The following CST9L variants were observed in gnomAD, a reference collection of about 807,000 sequenced individuals.
CST9L encodes the protein cystatin-9-like.
In CST9L, 17 loss-of-function variants were observed where a neutral mutation model predicts 13.2. The ratio of observed to expected loss-of-function variants is 1.29; its 90% CI spans 0.88 to 1.93. The LOEUF (loss-of-function observed/expected upper bound fraction) is 1.93. CST9L is among the 30% of genes most tolerant of loss of function. CST9L has a pLI of 0.00. For missense variants in CST9L, 170 were observed against 170.5 expected, an observed-to-expected ratio of 1.00 and a Z score of 0.02; for synonymous variants, 78 against 69.1, an observed-to-expected ratio of 1.13 and a Z score of -0.64.
chr20:23,565,258 T>C (rs1431180993), intron 2 of CST9L, among the ~76,000 whole-genome samples: 1 of 152,158 alleles, frequency 6.6e-6, no homozygotes, highest in Non-Finnish European at 1.5e-5. Flanking sequence ...GGGGCGCCTG[T>C]GCAATGTTCC....
chr20:23,565,747 G>A (rs924128391), intron 2 of CST9L, among the ~76,000 whole-genome samples: 2 of 152,180 alleles, frequency 1.3e-5, no homozygotes, highest in Non-Finnish European at 2.9e-5. Context: ...AGCTGCAGTG[G>A]CATGACAGGG....
chr20:23,567,091 C>G (rs1204581379), intron 1 of CST9L, among the ~76,000 whole-genome samples: 1 of 152,150 alleles, frequency 6.6e-6, no homozygotes, highest in Non-Finnish European at 1.5e-5. Context: ...AGAGAACCAG[C>G]CAGGGCCTTG....
Position 23,564,931 on chromosome 20 carries a change from C to T in CST9L, c.*17G>A. On this transcript the variant is annotated 3_prime_UTR_variant, in exon 3 of 3. Coordinates refer to ENST00000376979, the MANE Select transcript of CST9L (RefSeq NM_080610.3). ...ATGTGGGAGCAGCACATGGACAAGC[C>T]TGTGAGTGGGTTTCACTCAGTGGAA... 2 of 1,579,576 alleles carry T rather than the reference C, an allele frequency of 1.3e-6. No individual in the cohort carries two copies.
At chr20:23,568,137 T>C (rs2983617) in intron 1 of CST9L, 74 bp downstream of exon 1, 1,522,901 of 1,532,558 alleles carry the variant, frequency 0.99, 757,079 homozygotes, top group East Asian at 1. Flanking sequence ...AGACCCCCTG[T>C]CCCCACCCCA....
At chr20:23,566,224 G>A (rs1207122055) in intron 1 of CST9L, 137 bp from the exon 2 acceptor site, 3 of 681,534 alleles carry the variant, frequency 4.4e-6, no homozygotes, top group Non-Finnish European at 8.1e-6. Context: ...CCTGGCATCA[G>A]GAGATCTTCT....
Position 23,564,902 on chromosome 20 carries a change from C to T in CST9L, c.*46G>A, listed in dbSNP as rs183694586. On this transcript the variant is annotated 3_prime_UTR_variant, in exon 3 of 3. Transcript: ENST00000376979. Reference sequence around the variant, plus strand: ...CTCAGGAGAGTAGTGCTGATGTCCACGGAATGTGGGAGCAGCACATGGACA... The same window carrying T: ...CTCAGGAGAGTAGTGCTGATGTCCATGGAATGTGGGAGCAGCACATGGACA... 76 of 1,348,144 alleles carry T rather than the reference C, an allele frequency of 5.6e-5. No homozygotes were observed. The East Asian group carries it at 6.4e-4, about 11-fold the overall frequency. 83.5% of individuals were successfully genotyped at this position (1,348,144 alleles called of 1,614,324 possible).
At chr20:23,567,006 C>T (rs2122341385) in intron 1 of CST9L, among the ~76,000 whole-genome samples, 1 of 152,268 alleles carries the variant, frequency 6.6e-6, no homozygotes, top group Middle Eastern at 3.4e-3. Flanking sequence ...TCCATTTCCC[C>T]AACTCCAAAA....
intron 1 of CST9L, 83 bp from the exon 2 acceptor site, chr20:23,566,170 G>A (rs1989093445): frequency 1.2e-6 from 1 of 833,458 alleles, no homozygotes; most frequent in Non-Finnish European, 2.1e-6. Context: ...ATTTGTGTAG[G>A]AGAAGTCCCA....
chr20:23,565,313 G>A (rs1989076672), intron 2 of CST9L, among the ~76,000 whole-genome samples: 1 of 152,214 alleles, frequency 6.6e-6, no homozygotes, highest in African/African-American at 2.4e-5. Context: ...GGCTGTCCTG[G>A]TGTGATCCCT....
chr20:23,566,897 A>G (rs1989105083), intron 1 of CST9L, among the ~76,000 whole-genome samples: 1 of 152,158 alleles, frequency 6.6e-6, no homozygotes. Context: ...CAAAAGAAAG[A>G]AAGAAAGAAA....
At position 23,564,816 on chromosome 20, in the gene CST9L, C is replaced by T; in HGVS notation, c.*132G>A. 2.8e-6 allele frequency: 2 copies of T among 708,896 alleles called. No individual in the cohort carries two copies. The highest frequency in any genetic ancestry group is 2.0e-5 in the Admixed American group (1 of 50,204). The allele number at this position is 708,896 out of a possible 1,614,324, so 43.9% of individuals were successfully genotyped here. On this transcript the variant is annotated 3_prime_UTR_variant, in exon 3 of 3. Transcript: ENST00000376979. ...ATTTTCTAAAACACTGATCTGAGAT[C>T]TCAAACACATGCAAAATAGGATAAC...
chr20:23,566,550 C>A (rs999474072), intron 1 of CST9L, among the ~76,000 whole-genome samples: 9 of 152,090 alleles, frequency 5.9e-5, no homozygotes, highest in African/African-American at 2.2e-4. Context: ...CCAGCACTCC[C>A]ACTACACACA....
At chr20:23,565,078 G>T in intron 2 of CST9L, 41 bp from the exon 3 acceptor site, 1 of 1,372,248 alleles carries the variant, frequency 7.3e-7, no homozygotes, top group Non-Finnish European at 1.0e-6. Context: ...GGTGAGGGAG[G>T]CTCAGGAAGC....
intron 1 of CST9L, among the ~76,000 whole-genome samples, chr20:23,567,668 A>T (rs1399080678): frequency 6.6e-6 from 1 of 152,162 alleles, no homozygotes; most frequent in African/African-American, 2.4e-5. Flanking sequence ...AGTGTGAAAC[A>T]GTCTTCAGTT....
Position 23,566,347 on chromosome 20 carries a change from C to T in CST9L, c.241-260G>A, listed in dbSNP as rs531671850. ...CTTCCCACTCTCCCATGGTGAGACC[C>T]CAGTTTCACTCTCAGTCAGTGTCTG... On this transcript the variant is annotated intron_variant, in intron 1 of 2. Transcript: ENST00000376979. Among the ~76,000 whole-genome samples, 4 of 152,282 alleles carry T rather than the reference C, an allele frequency of 2.6e-5. No individual in the cohort carries two copies. In the South Asian group the frequency reaches 8.3e-4, roughly 32 times the overall value.
In CST9L at chr20:23,568,395, A is replaced by C. The variant is rs138610282; in HGVS notation, c.56T>G (p.Leu19Ter). 5.8e-5 allele frequency: 93 copies of C among 1,614,086 alleles called. No homozygotes were observed. The African/African-American group carries it at 1.1e-3, about 19-fold the overall frequency. Residue 19 changes from leucine to a stop codon, truncating the protein, a stop_gained, in exon 1 of 3, where the codon TTA becomes TGA. Transcript: ENST00000376979. LOFTEE classifies it high-confidence loss of function. ...ATAGATCAGCAGGATCTGGGAGCCT[A>C]AGAGAAGCAGCAGCAGCGCCCAGGA... Reference protein sequence around the residue: ...GLSWALLLLLLGSQILLIYAW... With the variant: ...GLSWALLLLL
intron 1 of CST9L, among the ~76,000 whole-genome samples, chr20:23,567,765 G>A (rs1040556777): frequency 3.9e-5 from 6 of 152,008 alleles, no homozygotes; most frequent in Non-Finnish European, 8.8e-5. Context: ...TGGGACTGGT[G>A]GGGGTTTCTT....
chr20:23,568,395 A>G lies in CST9L; in HGVS notation c.56T>C (p.Leu19Ser). The G allele has an allele frequency of 1.9e-6, 3 of 1,614,204 alleles. No individual in the cohort carries two copies. The highest frequency in any genetic ancestry group is 2.5e-6 in the Non-Finnish European group (3 of 1,180,036). ...GLSWALLLLL[L>S]GSQILLIYAW... ...ATAGATCAGCAGGATCTGGGAGCCT[A>G]AGAGAAGCAGCAGCAGCGCCCAGGA... Residue 19 changes from leucine to serine, a missense_variant, in exon 1 of 3, where the codon TTA becomes TCA. Physicochemically the swap from Leu to Ser is moderately radical, Grantham distance 145 (BLOSUM62 -2). Transcript: ENST00000376979.
intron 1 of CST9L, among the ~76,000 whole-genome samples, chr20:23,566,527 G>A (rs745514803): frequency 7.9e-5 from 12 of 152,028 alleles, no homozygotes; most frequent in Non-Finnish European, 1.5e-5. Flanking sequence ...AAAAAAAAAT[G>A]CAAGAATGCC....
Sources: allele counts gnomAD v4.1 joint callset (sites outside exome capture counted in the v4.1 genomes callset), GRCh38; gene constraint gnomAD v4.1.1; transcripts MANE v1.5; gene names NCBI Gene and HGNC (gene_info 2026-07-23, HGNC 2026-07-21).